The following CTNND2 variants were observed in gnomAD, a reference collection of about 807,000 sequenced individuals.
The protein encoded by CTNND2 is catenin delta 2.
In CTNND2, 22 loss-of-function variants were observed where a neutral mutation model predicts 144.4. That is an observed-to-expected ratio of 0.15 (90% CI 0.11 to 0.22). CTNND2 has a LOEUF of 0.22. CTNND2 is among the 10% of genes least tolerant of loss of function. CTNND2 has a pLI of 1.00. For missense variants in CTNND2, 1,353 were observed against 1,618.8 expected, an observed-to-expected ratio of 0.84 and a Z score of 2.82; for synonymous variants, 751 against 695.6, an observed-to-expected ratio of 1.08 and a Z score of -1.25.
chr5:11,872,730 T>G (rs1352019835), intron 1 of CTNND2, among the ~76,000 whole-genome samples: 3 of 151,968 alleles, frequency 2.0e-5, no homozygotes, highest in South Asian at 4.1e-4. Flanking sequence ...GATGGGGTTG[T>G]TTTTTTTCTT....
chr5:11,094,513 C>G (rs904702905), intron 15 of CTNND2, among the ~76,000 whole-genome samples: 9 of 143,338 alleles, frequency 6.3e-5, no homozygotes, highest in Non-Finnish European at 3.0e-5. Context: ...TGGAGTCTCA[C>G]TCTGTCACCA....
rs545118693 is a variant in CTNND2, at chr5:11,321,418, G to T, written c.1628+24954C>A. Among the ~76,000 whole-genome samples, 5 of 152,266 alleles carry T rather than the reference G, an allele frequency of 3.3e-5. No individual in the cohort carries two copies. In the East Asian group the frequency reaches 9.7e-4, roughly 29 times the overall value. ...GGTGGTAACTGGACAAGGTTGGAAGGTTTAAACAGTAGCCACCAAGCCAGG... is the reference window on the plus strand; with the variant it reads ...GGTGGTAACTGGACAAGGTTGGAAGTTTTAAACAGTAGCCACCAAGCCAGG... On this transcript the variant is annotated intron_variant, in intron 9 of 21. Transcript: ENST00000304623.
chr5:11,042,818 A>T (rs1446894617), intron 16 of CTNND2, among the ~76,000 whole-genome samples: 1 of 152,162 alleles, frequency 6.6e-6, no homozygotes, highest in African/African-American at 2.4e-5. Context: ...GGGTGGTTGG[A>T]CCATCACTTC....
At chr5:11,610,760 T>C (rs767387353) in intron 2 of CTNND2, among the ~76,000 whole-genome samples, 40 of 152,178 alleles carry the variant, frequency 2.6e-4, no homozygotes, top group Non-Finnish European at 5.3e-4. Context: ...CAATGACATA[T>C]TAGAGGTTTG....
At chr5:11,109,104 C>G (rs1013774256) in intron 14 of CTNND2, among the ~76,000 whole-genome samples, 4 of 152,078 alleles carry the variant, frequency 2.6e-5, no homozygotes, top group Admixed American at 6.6e-5. Context: ...AGGTTTTGTC[C>G]AAAACGGACT....
intron 2 of CTNND2, among the ~76,000 whole-genome samples, chr5:11,665,724 G>GAGGT (rs1354728768): frequency 6.6e-6 from 1 of 152,170 alleles, no homozygotes; most frequent in Non-Finnish European, 1.5e-5. Context: ...AAAACAAAGT[G>GAGGT]AGGTGTGTAT....
intron 1 of CTNND2, among the ~76,000 whole-genome samples, chr5:11,861,441 T>G (rs942001057): frequency 1.3e-5 from 2 of 152,206 alleles, no homozygotes; most frequent in Non-Finnish European, 2.9e-5. Flanking sequence ...GGAGTCATCT[T>G]TTATCCAGCT....
chr5:11,313,435 C>T (rs58741987), intron 9 of CTNND2, among the ~76,000 whole-genome samples: 2,348 of 152,296 alleles, frequency 0.015, 43 homozygotes, highest in African/African-American at 0.053. Context: ...CTGGGCCCTT[C>T]TTCAGAGACC....
At chr5:11,322,640 T>G (rs1752147336) in intron 9 of CTNND2, among the ~76,000 whole-genome samples, 1 of 152,210 alleles carries the variant, frequency 6.6e-6, no homozygotes, top group African/African-American at 2.4e-5. Context: ...GTAAGCTTTT[T>G]TTCATTTTGA....
intron 3 of CTNND2, among the ~76,000 whole-genome samples, chr5:11,514,950 C>A (rs1053609948): frequency 6.6e-6 from 1 of 152,118 alleles, no homozygotes; most frequent in Non-Finnish European, 1.5e-5. Context: ...CAGGTGCACA[C>A]CACATTTCTA....
intron 3 of CTNND2, among the ~76,000 whole-genome samples, chr5:11,453,736 AG>A (rs1312694048): frequency 6.6e-6 from 1 of 152,170 alleles, no homozygotes; most frequent in Non-Finnish European, 1.5e-5. Context: ...TGTGTAATTT[AG>A]GCATTTTGCT....
chr5:11,882,837 T>G (rs1471166857), intron 1 of CTNND2, among the ~76,000 whole-genome samples: 3 of 152,208 alleles, frequency 2.0e-5, no homozygotes. Context: ...TTTCTATTTC[T>G]GTGAAGAATG....
Position 11,411,574 on chromosome 5 carries a change from G to A in CTNND2, c.401C>T (p.Ser134Leu), listed in dbSNP as rs1761534017. ...VDSCIRSLQE[S>L]GILDPQDYST... ...ATAATCCTGTGGGTCAAGTATTCCT[G>A]ATTCCTGTAGTGACCTAATACAGGA... is the stretch of plus-strand genomic sequence containing the variant. The change falls in exon 5 of 22, where the codon TCA (serine) becomes TTA (leucine). Residue 134 changes from serine to leucine, a missense_variant. Coordinates refer to ENST00000304623, the MANE Select transcript of CTNND2 (RefSeq NM_001332.4). 1 of 1,611,242 alleles carries A rather than the reference G, an allele frequency of 6.2e-7. No individual in the cohort carries two copies. Among genetic ancestry groups the A allele is most frequent in the Non-Finnish European group, 8.5e-7 (1 of 1,177,846 alleles).
chr5:11,264,676 T>C (rs986347277), intron 9 of CTNND2, among the ~76,000 whole-genome samples: 1 of 152,196 alleles, frequency 6.6e-6, no homozygotes, highest in African/African-American at 2.4e-5. Flanking sequence ...ATGCCTATAA[T>C]ACCAGCACTT....
intron 1 of CTNND2, among the ~76,000 whole-genome samples, chr5:11,750,525 C>T (rs1415889225): frequency 1.3e-5 from 2 of 151,790 alleles, no homozygotes; most frequent in Non-Finnish European, 2.9e-5. Context: ...CGGGGGATAC[C>T]TACAAAAGTT....
chr5:11,176,989 T>C (rs966765046), intron 11 of CTNND2, among the ~76,000 whole-genome samples: 3 of 152,246 alleles, frequency 2.0e-5, no homozygotes, highest in African/African-American at 4.8e-5. Flanking sequence ...GTTTTTCATA[T>C]AAGTTTCTTA....
At chr5:10,993,727 T>A (rs919935198) in intron 18 of CTNND2, among the ~76,000 whole-genome samples, 1 of 152,152 alleles carries the variant, frequency 6.6e-6, no homozygotes, top group East Asian at 1.9e-4. Flanking sequence ...TTTAAAATCA[T>A]GCACCTCTCA....
intron 1 of CTNND2, among the ~76,000 whole-genome samples, chr5:11,764,903 GAA>G (rs1392482867): frequency 6.6e-6 from 1 of 150,670 alleles, no homozygotes; most frequent in East Asian, 2.0e-4. Flanking sequence ...TTACATGTAT[GAA>G]AAAAAAAGTG....
At chr5:11,290,778 G>A (rs1033749763) in intron 9 of CTNND2, among the ~76,000 whole-genome samples, 1 of 152,116 alleles carries the variant, frequency 6.6e-6, no homozygotes, top group Non-Finnish European at 1.5e-5. Context: ...TAAAAGAGAT[G>A]AAGCAAAATC....
Sources: allele counts gnomAD v4.1 joint callset (sites outside exome capture counted in the v4.1 genomes callset), GRCh38; gene constraint gnomAD v4.1.1; transcripts MANE v1.5; gene names NCBI Gene and HGNC (gene_info 2026-07-23, HGNC 2026-07-21).